The following CADPS2 variants were observed in gnomAD, a reference collection of about 807,000 sequenced individuals.
The protein encoded by CADPS2 is calcium-dependent secretion activator 2.
Under a neutral mutation model 172.5 loss-of-function variants are expected in CADPS2, and 93 were observed. The ratio of observed to expected loss-of-function variants is 0.54; its 90% CI spans 0.46 to 0.64. CADPS2 has a LOEUF of 0.64. Among genes scored for constraint, CADPS2 ranks in the 30% least tolerant of loss-of-function variants. The pLI, the probability that CADPS2 is intolerant of heterozygous loss-of-function variation, is 0.00. For missense variants in CADPS2, 1,420 were observed against 1,565.9 expected, an observed-to-expected ratio of 0.91 and a Z score of 1.57; for synonymous variants, 546 against 555.2, an observed-to-expected ratio of 0.98 and a Z score of 0.23.
intron 1 of CADPS2, among the ~76,000 whole-genome samples, chr7:122,738,603 T>C (rs994734297): frequency 6.6e-6 from 1 of 151,932 alleles, no homozygotes; most frequent in African/African-American, 2.4e-5. Context: ...GAGGATAAAA[T>C]GATTAAAGGA....
rs574084620 is a variant in CADPS2 at position 122,464,133 on chromosome 7, T to C, written c.2186+7242A>G. On this transcript the variant is annotated intron_variant, in intron 14 of 29. Transcript: ENST00000449022. The stretch of plus-strand genomic sequence containing the variant: ...CAGAGCTCCTTGGAGAACTGATTAA[T>C]TCTTAGGCTAGAGTAGGGAAAATAA... 9.8e-5 allele frequency among the ~76,000 whole-genome samples: 15 copies of C among 152,312 alleles called. No individual in the cohort carries two copies. The South Asian group carries it at 1.4e-3, about 15-fold the overall frequency.
rs956175955 is a variant in CADPS2 at position 122,645,423 on chromosome 7, G to A, written c.787-16095C>T. ...TATGTACATATACACACATGTATAT[G>A]TGTGTATATATGTATATATACACAC... is the stretch of plus-strand genomic sequence containing the variant. On this transcript the variant is annotated intron_variant, in intron 3 of 29. Transcript: ENST00000449022. 3.9e-4 allele frequency among the ~76,000 whole-genome samples: 36 copies of A among 93,276 alleles called. 2 individuals carry two copies. The highest frequency in any genetic ancestry group is 6.2e-4 in the Non-Finnish European group (26 of 41,848). 61.2% of individuals were successfully genotyped at this position (93,276 alleles called of 152,430 possible).
chr7:122,651,991 A>G (rs1375334496), intron 3 of CADPS2, among the ~76,000 whole-genome samples: 1 of 152,150 alleles, frequency 6.6e-6, no homozygotes, highest in African/African-American at 2.4e-5. Flanking sequence ...CCAGTAGTCA[A>G]CGATGTGAAG....
At chr7:122,504,280 A>G (rs1303390794) in intron 9 of CADPS2, among the ~76,000 whole-genome samples, 1 of 152,200 alleles carries the variant, frequency 6.6e-6, no homozygotes, top group Non-Finnish European at 1.5e-5. Flanking sequence ...CCTGTTACAC[A>G]GTGGTCTCCC....
At chr7:122,791,809 A>C (rs1795348114) in intron 1 of CADPS2, among the ~76,000 whole-genome samples, 1 of 152,240 alleles carries the variant, frequency 6.6e-6, no homozygotes, top group African/African-American at 2.4e-5. Flanking sequence ...AAGGTTGACT[A>C]AATCACAAAT....
intron 9 of CADPS2, among the ~76,000 whole-genome samples, chr7:122,493,241 C>A (rs1451900309): frequency 6.6e-6 from 1 of 152,148 alleles, no homozygotes; most frequent in African/African-American, 2.4e-5. Context: ...CAAAAGATGA[C>A]TACTCTTTTT....
chr7:122,772,017 A>G (rs2093719301), intron 1 of CADPS2, among the ~76,000 whole-genome samples: 1 of 152,176 alleles, frequency 6.6e-6, no homozygotes, highest in African/African-American at 2.4e-5. Context: ...AGTGGAGGAG[A>G]TGGACAGAGG....
At chr7:122,333,549 G>C (rs10267604) in intron 28 of CADPS2, among the ~76,000 whole-genome samples, 96,693 of 152,042 alleles carry the variant, frequency 0.64, 31,052 homozygotes, top group Non-Finnish European at 0.67. Context: ...ATTCCTCTGT[G>C]TGGACTTTAT....
chr7:122,647,517 G>A (rs546644722), intron 3 of CADPS2, among the ~76,000 whole-genome samples: 2 of 152,140 alleles, frequency 1.3e-5, no homozygotes, highest in Non-Finnish European at 2.9e-5. Flanking sequence ...AGTAATCATT[G>A]TCATCTATTA....
intron 1 of CADPS2, among the ~76,000 whole-genome samples, chr7:122,777,307 C>A (rs983997052): frequency 1.3e-5 from 2 of 152,188 alleles, no homozygotes; most frequent in Non-Finnish European, 2.9e-5. Flanking sequence ...ATTGCTGCCA[C>A]CAAATCCTTA....
At chr7:122,367,545 T>G (rs1484256583) in intron 25 of CADPS2, among the ~76,000 whole-genome samples, 1,019 of 67,390 alleles carry the variant, frequency 0.015, 15 homozygotes, top group African/African-American at 0.038. Flanking sequence ...CCCAGTTTTT[T>G]TTTTTTTTTT....
At chr7:122,624,135 T>C (rs375378309) in intron 4 of CADPS2, among the ~76,000 whole-genome samples, 5 of 152,220 alleles carry the variant, frequency 3.3e-5, no homozygotes, top group African/African-American at 1.2e-4. Context: ...TTAACTCTAT[T>C]CAGCCTGCTT....
chr7:122,524,112 T>C (rs2061020967), intron 8 of CADPS2, among the ~76,000 whole-genome samples: 1 of 152,200 alleles, frequency 6.6e-6, no homozygotes, highest in African/African-American at 2.4e-5. Context: ...AGCTTTCCTT[T>C]CCCTGAAAAC....
intron 1 of CADPS2, among the ~76,000 whole-genome samples, chr7:122,820,170 C>G (rs940135414): frequency 1.3e-5 from 2 of 152,084 alleles, no homozygotes; most frequent in African/African-American, 4.8e-5. Context: ...TTCTAGATCT[C>G]AAATATGCTT....
chr7:122,761,719 G>A lies in CADPS2; in HGVS notation c.340-24651C>T, dbSNP rs565055720. Among the ~76,000 whole-genome samples the A allele has an allele frequency of 2.6e-5, 4 of 151,780 alleles. No individual in the cohort carries two copies. The South Asian group carries it at 8.3e-4, about 31-fold the overall frequency. ...CTTGAAAATTAAAAATGTAGGCCAG[G>A]CATGGTGGCTCACACCTGTAATCCC... On this transcript the variant is annotated intron_variant, in intron 1 of 29. Coordinates refer to ENST00000449022, the MANE Select transcript of CADPS2 (RefSeq NM_017954.11).
At chr7:122,437,219 T>TA (rs528537001) in intron 17 of CADPS2, among the ~76,000 whole-genome samples, 153 of 152,254 alleles carry the variant, frequency 1.0e-3, no homozygotes, top group Non-Finnish European at 1.7e-3. Flanking sequence ...CATGATATCA[T>TA]AATTAATGAA....
intron 1 of CADPS2, 45 bp downstream of exon 1, chr7:122,885,954 C>T: frequency 6.4e-7 from 1 of 1,572,730 alleles, no homozygotes; most frequent in Non-Finnish European, 8.6e-7. Flanking sequence ...GGGAGAAAAA[C>T]CCAGGGAGAA....
chr7:122,743,702 G>A (rs1010784867), intron 1 of CADPS2, among the ~76,000 whole-genome samples: 3 of 152,060 alleles, frequency 2.0e-5, no homozygotes, highest in Admixed American at 1.3e-4. Flanking sequence ...ATTCACAAAC[G>A]CATAGCTTTA....
intron 8 of CADPS2, among the ~76,000 whole-genome samples, chr7:122,527,573 A>C (rs1441024219): frequency 1.4e-5 from 2 of 148,006 alleles, no homozygotes; most frequent in Admixed American, 6.9e-5. Flanking sequence ...TGGTAAAGAT[A>C]ATACTGAATA....
Sources: allele counts gnomAD v4.1 joint callset (sites outside exome capture counted in the v4.1 genomes callset), GRCh38; gene constraint gnomAD v4.1.1; transcripts MANE v1.5; gene names NCBI Gene and HGNC (gene_info 2026-07-23, HGNC 2026-07-21).